The following NAV2 variants were observed in gnomAD, a reference collection of about 807,000 sequenced individuals.
The protein encoded by NAV2 is neuron navigator 2.
A neutral mutation model predicts 223.2 loss-of-function variants in NAV2; 54 were observed. The observed-to-expected ratio is 0.24, with a 90% CI of 0.19 to 0.30. The LOEUF (loss-of-function observed/expected upper bound fraction) is 0.30. Ranked by LOEUF, NAV2 falls within the 10% of genes least tolerant of loss-of-function variation. The probability of loss-of-function intolerance (pLI) is 1.00; values close to 1 mark genes in which losing one functional copy is unlikely to be tolerated. For missense variants in NAV2, 2,806 were observed against 3,147.5 expected (o/e 0.89, Z 2.60); for synonymous variants, 1,279 against 1,239.3 (o/e 1.03, Z -0.67).
At chr11:20,092,110 C>T in intron 27 of NAV2, 96 bp from the exon 28 acceptor site, 3 of 1,243,766 alleles carry the variant, frequency 2.4e-6, no homozygotes, top group Non-Finnish European at 3.5e-6. Flanking sequence ...GAAGACCAGC[C>T]TGGTTTCTGC....
intron 1 of NAV2, among the ~76,000 whole-genome samples, chr11:19,817,503 C>T (rs1199628618): frequency 2.0e-5 from 3 of 151,930 alleles, no homozygotes; most frequent in Admixed American, 6.6e-5. Flanking sequence ...ACACCTGGAG[C>T]GGGGCTTTTG....
At chr11:19,884,239 T>C in intron 5 of NAV2, 2 of 1,306,240 alleles carry the variant, frequency 1.5e-6, no homozygotes, top group South Asian at 1.2e-5. Context: ...GTGTGTCTAA[T>C]GTATCTTCTC....
chr11:19,802,489 G>A (rs1417030561), intron 1 of NAV2, among the ~76,000 whole-genome samples: 1 of 152,054 alleles, frequency 6.6e-6, no homozygotes, highest in Non-Finnish European at 1.5e-5. Flanking sequence ...TCTTGTTCTT[G>A]CATCTTTTAA....
In NAV2 at chr11:20,020,382, GCAAGCGT is replaced by G. The variant is rs1288369476; in HGVS notation, c.2769-15573_2769-15567del. Among the ~76,000 whole-genome samples, 9 of 152,322 alleles carry G rather than the reference GCAAGCGT, an allele frequency of 5.9e-5. No homozygotes were observed. In the East Asian group the frequency reaches 1.3e-3, roughly 23 times the overall value. ...CCTTTGGAATTTGGCCTGTTTAGAA[GCAAGCGT>G]CAAAAATGACAGAGCAATCCTGGCT... is the stretch of plus-strand genomic sequence containing the variant. On this transcript the variant is annotated intron_variant, in intron 11 of 37. Transcript: ENST00000349880.
intron 1 of NAV2, among the ~76,000 whole-genome samples, chr11:19,621,920 G>A (rs898218844): frequency 6.6e-6 from 1 of 152,184 alleles, no homozygotes; most frequent in Non-Finnish European, 1.5e-5. Flanking sequence ...TGTAAACACT[G>A]CTTTGAATGT....
intron 6 of NAV2, among the ~76,000 whole-genome samples, chr11:19,894,819 C>T (rs2041816234): frequency 6.6e-6 from 1 of 152,218 alleles, no homozygotes; most frequent in Non-Finnish European, 1.5e-5. Context: ...CAACCTCCGC[C>T]TCCCGGGTTC....
At chr11:19,455,532 A>G (rs998774749) in intron 1 of NAV2, among the ~76,000 whole-genome samples, 4 of 152,196 alleles carry the variant, frequency 2.6e-5, no homozygotes, top group African/African-American at 7.2e-5. Context: ...CAAGGCAAGA[A>G]TAGCTACTAG....
intron 3 of NAV2, among the ~76,000 whole-genome samples, chr11:19,863,410 C>T (rs1375518015): frequency 1.3e-5 from 2 of 152,094 alleles, no homozygotes; most frequent in Non-Finnish European, 2.9e-5. Flanking sequence ...CTTTAGATTC[C>T]CTAGGCTTGG....
chr11:20,043,946 G>A, intron 12 of NAV2, 35 bp from the exon 13 acceptor site: 1 of 1,594,300 alleles, frequency 6.3e-7, no homozygotes, highest in East Asian at 2.3e-5. Context: ...GCCTGGGACT[G>A]GGGAAGGACT....
At chr11:19,483,649 G>A (rs1456520540) in intron 1 of NAV2, among the ~76,000 whole-genome samples, 2 of 152,226 alleles carry the variant, frequency 1.3e-5, no homozygotes, top group African/African-American at 4.8e-5. Flanking sequence ...ACCTTATACT[G>A]TAAAAGTAAT....
chr11:19,542,484 G>A (rs912323503), intron 1 of NAV2, among the ~76,000 whole-genome samples: 7 of 152,330 alleles, frequency 4.6e-5, no homozygotes, highest in African/African-American at 1.4e-4. Context: ...ACTTTGCTCC[G>A]CTGCCCAGAG....
intron 1 of NAV2, among the ~76,000 whole-genome samples, chr11:19,571,976 A>G (rs905555647): frequency 1.4e-4 from 22 of 152,174 alleles, no homozygotes; most frequent in African/African-American, 5.3e-4. Flanking sequence ...CCAACCCTCT[A>G]AGCACTCACT....
intron 9 of NAV2, among the ~76,000 whole-genome samples, chr11:19,947,845 G>A (rs1339898237): frequency 6.6e-6 from 1 of 152,154 alleles, no homozygotes; most frequent in Non-Finnish European, 1.5e-5. Context: ...AAAGTCTGGG[G>A]GAAGTGAACT....
At chr11:19,670,827 G>A (rs1193522381) in intron 1 of NAV2, among the ~76,000 whole-genome samples, 1 of 152,226 alleles carries the variant, frequency 6.6e-6, no homozygotes, top group Non-Finnish European at 1.5e-5. Context: ...AGCCCTTTGT[G>A]TGGATAAATA....
chr11:19,881,714 G>A (rs141352773), intron 5 of NAV2, among the ~76,000 whole-genome samples: 58 of 152,290 alleles, frequency 3.8e-4, no homozygotes, highest in African/African-American at 1.3e-3. Flanking sequence ...GCTCCTAGAG[G>A]AGGCAGGCAA....
At position 19,862,443 on chromosome 11, in the gene NAV2, G is replaced by A. The variant is rs1026440897; in HGVS notation, c.439-6482G>A. Among the ~76,000 whole-genome samples, 15 of 152,154 alleles carry A rather than the reference G, an allele frequency of 9.9e-5. No homozygotes were observed. In the South Asian group the frequency reaches 2.1e-3, roughly 21 times the overall value. On this transcript the variant is annotated intron_variant, in intron 3 of 37. Transcript: ENST00000349880. ...GAGCTTGAGCCGGCTTGCTGTAAAC[G>A]TTGATGCTTGAATAGCCAAAGCTGG... is the stretch of plus-strand genomic sequence containing the variant.
rs1565278029 is a variant in NAV2 at position 19,765,395 on chromosome 11, C to CCTTCCT, written c.267+51433_267+51434insCTTCCT. Among the ~76,000 whole-genome samples the CCTTCCT allele has an allele frequency of 5.0e-3, 360 of 72,648 alleles. 4 individuals are homozygous for CCTTCCT. Among genetic ancestry groups the CCTTCCT allele is most frequent in the African/African-American group, 0.021 (344 of 16,072 alleles). The allele number at this position is 72,648 out of a possible 152,430, so 47.7% of individuals were successfully genotyped here. On this transcript the variant is annotated intron_variant, in intron 1 of 37. Transcript: ENST00000349880. ...TTCCCTTCTTTCCTTCCTTCCTTCCCTCCCTCCCTCTCTCCCTCTCTCCCT... is the reference window on the plus strand; with the variant it reads ...TTCCCTTCTTTCCTTCCTTCCTTCCCCTTCCTTCCCTCCCTCTCTCCCTCTCTCCCT...
At chr11:19,807,596 T>C (rs944376507) in intron 1 of NAV2, among the ~76,000 whole-genome samples, 2 of 152,182 alleles carry the variant, frequency 1.3e-5, no homozygotes, top group African/African-American at 4.8e-5. Flanking sequence ...TCAGCCATGC[T>C]CTTCTCTCTC....
At chr11:19,771,830 G>A (rs2055743959) in intron 1 of NAV2, among the ~76,000 whole-genome samples, 2 of 152,090 alleles carry the variant, frequency 1.3e-5, no homozygotes, top group Admixed American at 6.5e-5. Context: ...TCATTCGTAG[G>A]CTTGTCAGTG....
Sources: allele counts gnomAD v4.1 joint callset (sites outside exome capture counted in the v4.1 genomes callset), GRCh38; gene constraint gnomAD v4.1.1; transcripts MANE v1.5; gene names NCBI Gene and HGNC (gene_info 2026-07-23, HGNC 2026-07-21).